The following MUC17 variants were observed in gnomAD, a reference collection of about 807,000 sequenced individuals.
MUC17 encodes mucin 17, cell surface associated, also known as mucin-17.
A neutral mutation model predicts 170.3 loss-of-function variants in MUC17; 190 were observed. That is an observed-to-expected ratio of 1.12 (90% confidence interval 0.99 to 1.26). The LOEUF (loss-of-function observed/expected upper bound fraction) is 1.26, where lower values mean the gene tolerates loss of function less well. Ranked by LOEUF, MUC17 falls within the 50% of genes most tolerant of loss-of-function variation. MUC17 has a pLI of 0.00. For synonymous variants in MUC17, 2,325 were observed against 2,002.5 expected (o/e 1.16, Z -4.30); for missense variants, 6,415 against 5,530.0 (o/e 1.16, Z -5.08).
In MUC17 at chr7:101,049,408, G is replaced by C. The variant is rs764587827; in HGVS notation, c.12722+26G>C. ...GTAAGTGTCTGGGCCCTTGGGAAGAGGGTCTGTGGCGTGGAAGCAGTGGTC... is the reference window on the plus strand; with the variant it reads ...GTAAGTGTCTGGGCCCTTGGGAAGACGGTCTGTGGCGTGGAAGCAGTGGTC... On this transcript the variant is annotated intron_variant, in intron 6 of 12. Transcript: ENST00000306151. 4 of 1,602,232 alleles carry C rather than the reference G, an allele frequency of 2.5e-6. No homozygotes were observed. In the Admixed American group the frequency reaches 5.1e-5, roughly 21 times the overall value.
intron 12 of MUC17, among the ~76,000 whole-genome samples, chr7:101,057,437 G>A (rs1795066639): frequency 6.6e-6 from 1 of 152,192 alleles, no homozygotes; most frequent in Non-Finnish European, 1.5e-5. Flanking sequence ...CAGGTAATGG[G>A]ACAAGTTCTA....
At chr7:101,031,398 G>A (rs1258517284) in intron 2 of MUC17, among the ~76,000 whole-genome samples, 177 bp downstream of exon 2, 1 of 152,174 alleles carries the variant, frequency 6.6e-6, no homozygotes, top group Non-Finnish European at 1.5e-5. Flanking sequence ...GTGGAGGAAA[G>A]GGGTCGAGTT....
In MUC17 at chr7:101,038,270, C is replaced by T. The variant is rs753482148; in HGVS notation, c.6854C>T (p.Pro2285Leu). 2.4e-5 allele frequency: 38 copies of T among 1,613,912 alleles called. No individual in the cohort carries two copies. The highest frequency in any genetic ancestry group is 3.1e-5 in the Non-Finnish European group (36 of 1,179,872). The change falls in exon 3 of 13, where the codon CCT becomes CTT. Residue 2285 changes from proline (P) to leucine (L), a missense_variant. Physicochemically the swap from Pro to Leu is moderately conservative, Grantham distance 98. Transcript: ENST00000306151. ...SEGTTPLTSI[P>L]VSHTLVANSE... ...GGAACGACTCCATTAACAAGTATAC[C>T]TGTCAGCCACACGCTGGTGGCCAAT... is the stretch of plus-strand genomic sequence containing the variant.
At chr7:101,044,658 G>C (rs1240136290) in intron 3 of MUC17, among the ~76,000 whole-genome samples, 1 of 152,148 alleles carries the variant, frequency 6.6e-6, no homozygotes, top group Non-Finnish European at 1.5e-5. Flanking sequence ...GTATTCTGCA[G>C]GTCTCTATTC....
intron 12 of MUC17, 24 bp from the exon 13 acceptor site, chr7:101,057,979 A>C: frequency 6.2e-7 from 1 of 1,612,456 alleles, no homozygotes; most frequent in Non-Finnish European, 8.5e-7. Context: ...CTGAGCCCTC[A>C]CTTGGTTTTA....
chr7:101,030,231 T>A (rs1212590533), intron 1 of MUC17, among the ~76,000 whole-genome samples: 1 of 45,266 alleles, frequency 2.2e-5, no homozygotes, highest in Non-Finnish European at 6.4e-5. Context: ...CAATGTTGGC[T>A]TTTTTTTTTT....
Position 101,051,191 on chromosome 7 carries a change from C to A in MUC17, c.12875-422C>A, listed in dbSNP as rs541810007. On this transcript the variant is annotated intron_variant, in intron 7 of 12. Coordinates refer to ENST00000306151, the MANE Select transcript of MUC17 (RefSeq NM_001040105.2). ...AACCAGCCTGGTCAACGTGGTGAAA[C>A]CCCATCTCTACTGAAAATACAAAAT... Among the ~76,000 whole-genome samples the A allele has an allele frequency of 2.6e-5, 4 of 151,772 alleles. No individual in the cohort carries two copies. In the East Asian group the frequency reaches 7.8e-4, roughly 30 times the overall value.
chr7:101,048,022 A>G lies in MUC17; in HGVS notation c.12442A>G (p.Lys4148Glu), dbSNP rs2116469410. Residue 4148 changes from lysine to glutamate, a missense_variant, in exon 4 of 13, where the codon AAG (lysine) becomes GAG (glutamate). Transcript: ENST00000306151. ...DGCQNTASRC[K>E]NGGTWDGLKC... Reference sequence around the variant, plus strand: ...GTGCCAGAATACGGCCTCTCGCTGCAAGAATGGAGGCACCTGGGATGGGCT... The same window carrying G: ...GTGCCAGAATACGGCCTCTCGCTGCGAGAATGGAGGCACCTGGGATGGGCT... The G allele has an allele frequency of 1.2e-6, 2 of 1,606,996 alleles. No individual in the cohort carries two copies. Among genetic ancestry groups the G allele is most frequent in the Non-Finnish European group, 1.7e-6 (2 of 1,177,208 alleles).
At position 101,058,274 on chromosome 7, in the gene MUC17, C is replaced by A. The variant is rs553851030; in HGVS notation, c.*230C>A. On this transcript the variant is annotated 3_prime_UTR_variant, in exon 13 of 13. Transcript: ENST00000306151. ...TTGTCATGATATCAGGCTAGGCTTTCCTGCTCATTTTTCAAAGACGCTCCA... is the reference window on the plus strand; with the variant it reads ...TTGTCATGATATCAGGCTAGGCTTTACTGCTCATTTTTCAAAGACGCTCCA... The A allele has an allele frequency of 5.8e-5, 22 of 376,426 alleles. No homozygotes were observed. Among genetic ancestry groups the A allele is most frequent in the Admixed American group, 2.6e-4 (6 of 23,344 alleles). The allele number at this position is 376,426 out of a possible 1,614,324, so 23.3% of individuals were successfully genotyped here. A position where few individuals can be genotyped will look rare whatever the true frequency, so the allele number is the denominator to read the frequency against.
chr7:101,049,286 G>C, intron 5 of MUC17, 38 bp from the exon 6 acceptor site: 6 of 1,613,902 alleles, frequency 3.7e-6, no homozygotes, highest in Non-Finnish European at 5.1e-6. Context: ...CGGCCCCGTG[G>C]TCCCTCTGGG....
Position 101,043,769 on chromosome 7 carries a change from C to A in MUC17, c.12353C>A (p.Thr4118Lys), listed in dbSNP as rs200507888. 14 of 1,613,266 alleles carry A rather than the reference C, an allele frequency of 8.7e-6. No homozygotes were observed. Among genetic ancestry groups the A allele is most frequent in the Non-Finnish European group, 1.2e-5 (14 of 1,179,348 alleles). ...VTTTAVPTNT[T>K]IKSNPTSTPT... ...ACCACCGCTGTCCCCACGAATACTA[C>A]AATTAAGAGCAACCCCACCTCAACT... The change falls in exon 3 of 13, where the codon ACA becomes AAA. Residue 4118 changes from threonine to lysine, a missense_variant. Thr to Lys is a moderately conservative substitution (Grantham distance 78, BLOSUM62 -1). Coordinates refer to ENST00000306151, the MANE Select transcript of MUC17 (RefSeq NM_001040105.2).
At chr7:101,029,080 C>A (rs570807789) in intron 1 of MUC17, among the ~76,000 whole-genome samples, 2 of 151,630 alleles carry the variant, frequency 1.3e-5, no homozygotes, top group Non-Finnish European at 2.9e-5. Flanking sequence ...CCCAGCTACT[C>A]GGGAGGCTGA....
Position 101,035,737 on chromosome 7 carries a change from G to C in MUC17, c.4321G>C (p.Glu1441Gln). Residue 1441 changes from glutamate (E) to glutamine (Q), a missense_variant, in exon 3 of 13, where the codon GAA becomes CAA. Physicochemically the swap from Glu to Gln is conservative, Grantham distance 29. Transcript: ENST00000306151. The part of the protein sequence containing the change: ...AEATSSPTTA[E>Q]GISIPTSTPS... ...AGCCACTTCATCTCCTACAACTGCT[G>C]AAGGTATCAGCATACCAACCTCAAC... The C allele has an allele frequency of 1.2e-6, 2 of 1,610,924 alleles. No individual in the cohort carries two copies. Among genetic ancestry groups the C allele is most frequent in the Non-Finnish European group, 1.7e-6 (2 of 1,178,146 alleles).
intron 11 of MUC17, among the ~76,000 whole-genome samples, chr7:101,054,717 G>A (rs1795017304): frequency 6.6e-6 from 1 of 152,166 alleles, no homozygotes; most frequent in Non-Finnish European, 1.5e-5. Flanking sequence ...CTATTCAGGA[G>A]GCTGAGTCAG....
intron 11 of MUC17, 128 bp from the exon 12 acceptor site, chr7:101,056,066 C>A: frequency 1.5e-6 from 2 of 1,318,146 alleles, no homozygotes; most frequent in East Asian, 2.6e-5. Context: ...GTCACATTTT[C>A]AAGGGTTTGC....
chr7:101,021,645 C>G (rs1794084561), intron 1 of MUC17, among the ~76,000 whole-genome samples: 1 of 152,130 alleles, frequency 6.6e-6, no homozygotes, highest in Non-Finnish European at 1.5e-5. Context: ...TCATCCCTAG[C>G]CTCAGTCTGC....
chr7:101,045,481 C>T (rs551056833), intron 3 of MUC17, among the ~76,000 whole-genome samples: 18 of 152,114 alleles, frequency 1.2e-4, no homozygotes, highest in African/African-American at 3.9e-4. Context: ...GCAACCTCCA[C>T]CTCCCGGGTT....
chr7:101,025,398 T>G (rs941106458), intron 1 of MUC17, among the ~76,000 whole-genome samples: 2 of 147,980 alleles, frequency 1.4e-5, no homozygotes, highest in African/African-American at 5.0e-5. Flanking sequence ...CATGGTGGCT[T>G]ACACCTGTAA....
intron 11 of MUC17, 197 bp downstream of exon 11, chr7:101,053,633 A>C: frequency 2.1e-6 from 1 of 469,832 alleles, no homozygotes; most frequent in Non-Finnish European, 3.8e-6. Flanking sequence ...TAAAAATAAA[A>C]AAGGGAGGCT....
Sources: allele counts gnomAD v4.1 joint callset (sites outside exome capture counted in the v4.1 genomes callset), GRCh38; gene constraint gnomAD v4.1.1; transcripts MANE v1.5; gene names NCBI Gene and HGNC (gene_info 2026-07-23, HGNC 2026-07-21).